Variants in PRKDC observed in about 807,000 individuals in gnomAD.
PRKDC encodes the protein protein kinase, DNA-activated, catalytic subunit.
In PRKDC, 82 loss-of-function variants were observed where a neutral mutation model predicts 486.9. That is an observed-to-expected ratio of 0.17 (90% CI 0.14 to 0.20). The LOEUF is 0.20. Among genes scored for constraint, PRKDC ranks in the 10% least tolerant of loss-of-function variants. The pLI, the probability that PRKDC is intolerant of heterozygous loss-of-function variation, is 1.00. For missense variants in PRKDC, 4,504 were observed against 5,038.2 expected (o/e 0.89, Z 3.21); for synonymous variants, 1,895 against 1,837.0 (o/e 1.03, Z -0.81).
At chr8:47,811,552 C>G (rs898065444) in intron 68 of PRKDC, among the ~76,000 whole-genome samples, 1 of 151,986 alleles carries the variant, frequency 6.6e-6, no homozygotes, top group Admixed American at 6.6e-5. Flanking sequence ...CACATATGTT[C>G]TTTAGAATAT....
intron 50 of PRKDC, among the ~76,000 whole-genome samples, chr8:47,854,755 A>G (rs2088494563): frequency 6.6e-6 from 1 of 152,030 alleles, no homozygotes; most frequent in African/African-American, 2.4e-5. Context: ...CTTTTCCCAT[A>G]TCCAATATCC....
chr8:47,791,867 A>G (rs1371548900), intron 74 of PRKDC, among the ~76,000 whole-genome samples: 2 of 152,186 alleles, frequency 1.3e-5, no homozygotes, highest in African/African-American at 4.8e-5. Flanking sequence ...ACCCAAAAGA[A>G]AGGATATCAG....
At chr8:47,864,388 T>C (rs1175913490) in intron 41 of PRKDC, among the ~76,000 whole-genome samples, 168 bp downstream of exon 41, 5 of 152,130 alleles carry the variant, frequency 3.3e-5, no homozygotes, top group African/African-American at 1.2e-4. Context: ...TTGCGTTAAG[T>C]TGTTACAGAA....
intron 58 of PRKDC, among the ~76,000 whole-genome samples, chr8:47,835,729 T>G (rs540449042): frequency 2.0e-5 from 3 of 150,900 alleles, no homozygotes; most frequent in East Asian, 3.9e-4. Flanking sequence ...TACGCTGCTG[T>G]ACAACCATCA....
chr8:47,826,689 G>C lies in PRKDC; in HGVS notation c.8750C>G (p.Pro2917Arg). The change falls in exon 63 of 86, where the codon CCT becomes CGT. Residue 2917 changes from proline to arginine, a missense_variant. Pro to Arg is a moderately radical substitution (Grantham distance 103, BLOSUM62 -2). Transcript: ENST00000314191. Reference protein sequence around the residue: ...AKRVRGKARLPPDVLRWVELA... With the variant: ...AKRVRGKARLRPDVLRWVELA... Reference sequence around the variant, plus strand: ...CTCCACCCATCTGAGGACATCAGGAGGGAGGCGGGCCTTCCCACGGACTCG... The same window carrying C: ...CTCCACCCATCTGAGGACATCAGGACGGAGGCGGGCCTTCCCACGGACTCG... 1 of 1,613,002 alleles carries C rather than the reference G, an allele frequency of 6.2e-7. No individual in the cohort carries two copies. Among genetic ancestry groups the C allele is most frequent in the Non-Finnish European group, 8.5e-7 (1 of 1,179,778 alleles).
intron 7 of PRKDC, among the ~76,000 whole-genome samples, chr8:47,948,141 T>C (rs1363780758): frequency 4.6e-5 from 7 of 151,452 alleles, no homozygotes; most frequent in Non-Finnish European, 7.4e-5. Flanking sequence ...TATATATATG[T>C]ATATATATAA....
At chr8:47,816,961 T>A (rs754944611) in intron 68 of PRKDC, among the ~76,000 whole-genome samples, 1 of 152,156 alleles carries the variant, frequency 6.6e-6, no homozygotes, top group Non-Finnish European at 1.5e-5. Context: ...ACCTGCCCTA[T>A]GGATTCCACA....
At chr8:47,937,717 G>GA (rs2090376518) in intron 11 of PRKDC, among the ~76,000 whole-genome samples, 1 of 152,162 alleles carries the variant, frequency 6.6e-6, no homozygotes, top group African/African-American at 2.4e-5. Context: ...TGTGTAAAGG[G>GA]AAAATCTCAT....
At chr8:47,957,572 G>A (rs550780159) in intron 1 of PRKDC, 141 bp from the exon 2 acceptor site, 19 of 649,562 alleles carry the variant, frequency 2.9e-5, no homozygotes, top group Admixed American at 5.9e-5. Flanking sequence ...GTGCAGCGGC[G>A]CGATCTCGGC....
chr8:47,933,521 T>A (rs1018185090), intron 15 of PRKDC, among the ~76,000 whole-genome samples: 1 of 152,368 alleles, frequency 6.6e-6, no homozygotes, highest in East Asian at 1.9e-4. Flanking sequence ...TATGCATATA[T>A]AGACACTATA....
In PRKDC at chr8:47,933,701, C is replaced by A. The variant is rs1213786556; in HGVS notation, c.1623+264G>T. Among the ~76,000 whole-genome samples, 4 of 152,204 alleles carry A rather than the reference C, an allele frequency of 2.6e-5. 1 individual carries two copies. Among genetic ancestry groups the A allele is most frequent in the Non-Finnish European group, 5.9e-5 (4 of 68,040 alleles). On this transcript the variant is annotated intron_variant, in intron 15 of 85. Transcript: ENST00000314191. ...AACAGCTTAGCATGAGCTATACCAT[C>A]CTGCTATTTAAAGCTAAAATGAGGA... is the stretch of plus-strand genomic sequence containing the variant.
chr8:47,780,265 A>G (rs1010069534), intron 80 of PRKDC, among the ~76,000 whole-genome samples: 2 of 152,146 alleles, frequency 1.3e-5, no homozygotes, highest in Non-Finnish European at 2.9e-5. Context: ...CACACAATCC[A>G]TAGTAAGTAT....
At chr8:47,950,503 C>G (rs2090609643) in intron 7 of PRKDC, among the ~76,000 whole-genome samples, 1 of 151,566 alleles carries the variant, frequency 6.6e-6, no homozygotes, top group South Asian at 2.1e-4. Context: ...GTGGCGGGTG[C>G]CTGTAGTCCC....
At position 47,927,188 on chromosome 8, in the gene PRKDC, C is replaced by T. The variant is rs1282480770; in HGVS notation, c.2419+6G>A. On this transcript the variant is annotated splice_donor_region_variant and intron_variant, in intron 21 of 85. Transcript: ENST00000314191. ...CAATACACATCACAATTCTTCTAAA[C>T]ATTACCTGACAAGGCTGAAGTCTTC... 6.2e-7 allele frequency: 1 copy of T among 1,612,386 alleles called. No homozygotes were observed. The highest frequency in any genetic ancestry group is 2.2e-5 in the East Asian group (1 of 44,868).
chr8:47,923,025 T>C (rs764556401), intron 21 of PRKDC, among the ~76,000 whole-genome samples: 6 of 152,108 alleles, frequency 3.9e-5, no homozygotes, highest in Non-Finnish European at 7.4e-5. Flanking sequence ...GCTTCTTTGG[T>C]TTACTGATCA....
chr8:47,931,793 A>G (rs1279333037), intron 16 of PRKDC, among the ~76,000 whole-genome samples: 1 of 152,220 alleles, frequency 6.6e-6, no homozygotes, highest in Non-Finnish European at 1.5e-5. Flanking sequence ...ACACCTTCCC[A>G]GGATCTTAGT....
chr8:47,808,733 C>T (rs990663269), intron 68 of PRKDC, among the ~76,000 whole-genome samples: 1 of 152,090 alleles, frequency 6.6e-6, no homozygotes, highest in Non-Finnish European at 1.5e-5. Flanking sequence ...ACAAAGGGCC[C>T]TAATATACAA....
chr8:47,847,233 T>G (rs1183582105), intron 54 of PRKDC, among the ~76,000 whole-genome samples: 1 of 152,108 alleles, frequency 6.6e-6, no homozygotes, highest in Admixed American at 6.5e-5. Context: ...ATTACCCAAC[T>G]TCACTATACT....
chr8:47,795,712 T>C (rs1343612669), intron 73 of PRKDC, among the ~76,000 whole-genome samples: 1 of 149,922 alleles, frequency 6.7e-6, no homozygotes, highest in Non-Finnish European at 1.5e-5. Flanking sequence ...AGACTGGTCT[T>C]GAACTCCTGA....
Sources: gnomAD v4.1 joint callset for allele counts (sites outside exome capture counted in the v4.1 genomes callset) on GRCh38, gnomAD v4.1.1 for gene constraint, MANE v1.5 for transcripts, NCBI Gene and HGNC (gene_info 2026-07-23, HGNC 2026-07-21) for gene names.